The following ARPP21 variants were observed in gnomAD, a reference collection of about 807,000 sequenced individuals.
ARPP21 encodes cAMP-regulated phosphoprotein 21.
ARPP21 carries 69 observed loss-of-function variants against 113.2 expected under a neutral mutation model. The ratio of observed to expected loss-of-function variants is 0.61; its 90% CI spans 0.50 to 0.74. The LOEUF is 0.74. Ranked by LOEUF, ARPP21 falls within the 30% of genes least tolerant of loss-of-function variation. ARPP21 has a pLI of 0.00. For synonymous variants in ARPP21, 368 were observed against 375.5 expected, an observed-to-expected ratio of 0.98 and a Z score of 0.23; for missense variants, 1,070 against 1,037.4, an observed-to-expected ratio of 1.03 and a Z score of -0.43.
At position 35,749,368 on chromosome 3, in the gene ARPP21, A is replaced by G. The variant is rs536035059; in HGVS notation, c.2137+5403A>G. Among the ~76,000 whole-genome samples, 4 of 151,120 alleles carry G rather than the reference A, an allele frequency of 2.6e-5. No individual in the cohort carries two copies. In the South Asian group the frequency reaches 8.4e-4, roughly 32 times the overall value. ...AACTCCAAATTTCCTATGAAGTTTGACTTAAAAAGAAATATACTTAGCTTC... is the reference window on the plus strand; with the variant it reads ...AACTCCAAATTTCCTATGAAGTTTGGCTTAAAAAGAAATATACTTAGCTTC... On this transcript the variant is annotated intron_variant, in intron 19 of 20. Coordinates refer to ENST00000684406, the MANE Select transcript of ARPP21 (RefSeq NM_001385562.1).
intron 9 of ARPP21, among the ~76,000 whole-genome samples, chr3:35,693,824 G>A (rs1278355862): frequency 6.6e-6 from 1 of 151,538 alleles, no homozygotes; most frequent in African/African-American, 2.4e-5. Flanking sequence ...ACTGAGATGA[G>A]AATCCCATGT....
intron 14 of ARPP21, 111 bp from the exon 15 acceptor site, chr3:35,729,192 G>T: frequency 1.4e-6 from 1 of 698,262 alleles, no homozygotes; most frequent in Non-Finnish European, 2.5e-6. Context: ...TACAGCATGC[G>T]TCTCAAATTC....
intron 19 of ARPP21, among the ~76,000 whole-genome samples, chr3:35,746,668 C>A (rs892587624): frequency 1.3e-5 from 2 of 152,150 alleles, no homozygotes; most frequent in African/African-American, 4.8e-5. Context: ...TCAGCTATCA[C>A]GTGGTTAAAA....
chr3:35,767,183 T>C (rs2096011548), intron 19 of ARPP21, among the ~76,000 whole-genome samples: 1 of 152,174 alleles, frequency 6.6e-6, no homozygotes, highest in Non-Finnish European at 1.5e-5. Context: ...TAAATCAAGC[T>C]GTGGAATCAA....
Position 35,772,270 on chromosome 3 carries a change from G to GA in ARPP21, c.2138-20105dup, listed in dbSNP as rs200475376. Among the ~76,000 whole-genome samples the GA allele has an allele frequency of 1.5e-3, 227 of 152,172 alleles. 6 individuals carry two copies. In the East Asian group the frequency reaches 0.017, roughly 11 times the overall value. ...TAAATGGCAAACATCTTCCAGAGCT[G>GA]AAAAAAATTGTGTCATAATAATATT... On this transcript the variant is annotated intron_variant, in intron 19 of 20. Coordinates refer to ENST00000684406, the MANE Select transcript of ARPP21 (RefSeq NM_001385562.1).
At chr3:35,646,769 G>A (rs772638224) in intron 1 of ARPP21, among the ~76,000 whole-genome samples, 14 of 152,142 alleles carry the variant, frequency 9.2e-5, no homozygotes, top group African/African-American at 3.1e-4. Flanking sequence ...AACACTCTTC[G>A]ATGACTTTGT....
At chr3:35,743,769 A>G (rs1012946336) in intron 18 of ARPP21, 70 bp from the exon 19 acceptor site, 15 of 1,527,102 alleles carry the variant, frequency 9.8e-6, no homozygotes, top group Middle Eastern at 1.7e-4. Context: ...AGACGAAAGC[A>G]TATTTTAAGT....
chr3:35,731,845 G>A (rs2093996635), intron 15 of ARPP21, among the ~76,000 whole-genome samples: 1 of 152,136 alleles, frequency 6.6e-6, no homozygotes, highest in Non-Finnish European at 1.5e-5. Context: ...TTGGGTGTTA[G>A]GAACCAAGAT....
chr3:35,667,971 AG>A (rs1446161223), intron 1 of ARPP21, among the ~76,000 whole-genome samples: 1 of 130,602 alleles, frequency 7.7e-6, no homozygotes, highest in African/African-American at 2.9e-5. Context: ...AAGAAGAAGA[AG>A]AAGAAGAAGA....
chr3:35,736,803 C>T (rs1269099448), intron 15 of ARPP21, among the ~76,000 whole-genome samples: 2 of 152,132 alleles, frequency 1.3e-5, no homozygotes, highest in Non-Finnish European at 2.9e-5. Flanking sequence ...AGCCGTTATC[C>T]TTCAGTGTAT....
intron 11 of ARPP21, among the ~76,000 whole-genome samples, chr3:35,713,747 G>A (rs2091844367): frequency 6.6e-6 from 1 of 152,094 alleles, no homozygotes; most frequent in Non-Finnish European, 1.5e-5. Flanking sequence ...AGAGTTTGGG[G>A]TTCTTAACTC....
At chr3:35,685,067 CA>C in intron 5 of ARPP21, 1 of 985,182 alleles carries the variant, frequency 1.0e-6, no homozygotes, top group South Asian at 4.7e-5. Flanking sequence ...GTTAACTCTG[CA>C]GAATGACAGA....
intron 11 of ARPP21, among the ~76,000 whole-genome samples, chr3:35,711,323 C>T (rs1356337572): frequency 6.6e-6 from 1 of 152,168 alleles, no homozygotes; most frequent in African/African-American, 2.4e-5. Flanking sequence ...AACACGTGTG[C>T]ATTTTTTAAA....
At chr3:35,792,925 A>G (rs546174734) in intron 20 of ARPP21, among the ~76,000 whole-genome samples, 24 of 152,358 alleles carry the variant, frequency 1.6e-4, no homozygotes, top group Admixed American at 9.8e-4. Context: ...TTAAGTTATA[A>G]GAGATTTTAA....
chr3:35,687,638 C>A, intron 5 of ARPP21, 101 bp from the exon 6 acceptor site: 1 of 1,089,408 alleles, frequency 9.2e-7, no homozygotes, highest in East Asian at 2.8e-5. Flanking sequence ...AAATCTGCAC[C>A]TGGTTTTCAT....
intron 19 of ARPP21, 97 bp from the exon 20 acceptor site, chr3:35,792,285 T>A: frequency 2.1e-6 from 2 of 971,136 alleles, no homozygotes; most frequent in South Asian, 1.5e-5. Flanking sequence ...GAGACTGAGA[T>A]GTCTGAAGGC....
At chr3:35,748,109 A>AGAAAGAAAGAAG in intron 19 of ARPP21, among the ~76,000 whole-genome samples, 1 of 127,940 alleles carries the variant, frequency 7.8e-6, no homozygotes, top group Admixed American at 7.8e-5. Flanking sequence ...AAAGAAAGAA[A>AGAAAGAAAGAAG]GAAGAAAGAA....
In ARPP21 at chr3:35,792,550, A is replaced by G. The variant is rs1376649954; in HGVS notation, c.2286+20A>G. Reference sequence around the variant, plus strand: ...TATCAGGTGCTCATAAGCAGCTTGGAAAATTGTGGGTTTTAAAGTAGAATT... The same window carrying G: ...TATCAGGTGCTCATAAGCAGCTTGGGAAATTGTGGGTTTTAAAGTAGAATT... On this transcript the variant is annotated intron_variant, in intron 20 of 20. Transcript: ENST00000684406. 2 of 1,613,592 alleles carry G rather than the reference A, an allele frequency of 1.2e-6. No homozygotes were observed. The highest frequency in any genetic ancestry group is 2.7e-5 in the African/African-American group (2 of 74,904).
chr3:35,766,966 A>G (rs1468525066), intron 19 of ARPP21, among the ~76,000 whole-genome samples: 1 of 152,174 alleles, frequency 6.6e-6, no homozygotes, highest in East Asian at 1.9e-4. Context: ...AGCAATTACT[A>G]TAATGGTGTG....
Sources: allele counts gnomAD v4.1 joint callset (sites outside exome capture counted in the v4.1 genomes callset), GRCh38; gene constraint gnomAD v4.1.1; transcripts MANE v1.5; gene names NCBI Gene and HGNC (gene_info 2026-07-23, HGNC 2026-07-21).